Variants in LPP observed in about 807,000 individuals in gnomAD.
LPP encodes LIM domain containing preferred translocation partner in lipoma, also known as lipoma-preferred partner.
LPP carries 38 observed loss-of-function variants against 60.4 expected under a neutral mutation model. That is an observed-to-expected ratio of 0.63 (90% CI 0.49 to 0.83). The LOEUF is 0.83. LPP is among the 40% of genes least tolerant of loss of function. The pLI, the probability that LPP is intolerant of heterozygous loss-of-function variation, is 0.00. For synonymous variants in LPP, 328 were observed against 290.8 expected, an observed-to-expected ratio of 1.13 and a Z score of -1.30; for missense variants, 902 against 783.6, an observed-to-expected ratio of 1.15 and a Z score of -1.80.
chr3:188,385,759 G>C (rs139190124), intron 3 of LPP, among the ~76,000 whole-genome samples: 2 of 152,168 alleles, frequency 1.3e-5, no homozygotes, highest in Non-Finnish European at 2.9e-5. Flanking sequence ...AGCTGTTTGT[G>C]CATCTGTTGG....
At position 188,332,971 on chromosome 3, in the gene LPP, C is replaced by T. The variant is rs974889700; in HGVS notation, c.-66-8692C>T. 1.1e-4 allele frequency among the ~76,000 whole-genome samples: 13 copies of T among 122,164 alleles called. 1 individual carries two copies. The highest frequency in any genetic ancestry group is 3.8e-4 in the African/African-American group (12 of 31,482). The allele number at this position is 122,164 out of a possible 152,430, so 80.1% of individuals were successfully genotyped here. A position where few individuals can be genotyped will look rare whatever the true frequency, so the allele number is the denominator to read the frequency against. On this transcript the variant is annotated intron_variant, in intron 2 of 11. Transcript: ENST00000617246. ...TTCCTTCTTCTTTTCAATAAGGAAG[C>T]ATCAGAATCAACAGAATAACATAAA...
chr3:188,463,972 G>A (rs1448162517), intron 4 of LPP, among the ~76,000 whole-genome samples: 1 of 152,162 alleles, frequency 6.6e-6, no homozygotes, highest in Non-Finnish European at 1.5e-5. Flanking sequence ...AAATTGAAGT[G>A]TGCCCTAATC....
At chr3:188,163,815 G>T (rs547752490) in intron 1 of LPP, among the ~76,000 whole-genome samples, 2 of 151,398 alleles carry the variant, frequency 1.3e-5, no homozygotes, top group African/African-American at 4.9e-5. Flanking sequence ...GCCAGGTGTG[G>T]TAGTGGGCGC....
At chr3:188,599,751 G>GAGGGGGGTGTGT (rs1553938530) in intron 6 of LPP, among the ~76,000 whole-genome samples, 1 of 139,828 alleles carries the variant, frequency 7.2e-6, no homozygotes, top group African/African-American at 2.7e-5. Context: ...ACTCGTTAGG[G>GAGGGGGGTGTGT]GTGTGTGTGT....
At chr3:188,462,587 CAT>C (rs1491416011) in intron 4 of LPP, among the ~76,000 whole-genome samples, 8,163 of 43,200 alleles carry the variant, frequency 0.19, 918 homozygotes, top group Non-Finnish European at 0.28. Context: ...TATATATATG[CAT>C]GTGTGTGTGT....
At chr3:188,669,561 GCAAGACTCCATCT>G (rs1015091693) in intron 7 of LPP, among the ~76,000 whole-genome samples, 7 of 152,114 alleles carry the variant, frequency 4.6e-5, no homozygotes, top group Admixed American at 1.3e-4. Context: ...GGGTGACAGA[GCAAGACTCCATCT>G]CAAAAAAATA....
At chr3:188,839,577 A>C (rs890746116) in intron 9 of LPP, among the ~76,000 whole-genome samples, 1 of 152,146 alleles carries the variant, frequency 6.6e-6, no homozygotes, top group South Asian at 2.1e-4. Context: ...GAGTACAAAA[A>C]CCAGCCTCAC....
intron 6 of LPP, among the ~76,000 whole-genome samples, chr3:188,601,846 A>G (rs1373625237): frequency 6.6e-6 from 1 of 152,018 alleles, no homozygotes; most frequent in Non-Finnish European, 1.5e-5. Context: ...AGGCAGATGG[A>G]TCACTTGAGG....
chr3:188,271,293 A>G (rs1464803133), intron 2 of LPP, among the ~76,000 whole-genome samples: 2 of 152,190 alleles, frequency 1.3e-5, no homozygotes, highest in African/African-American at 4.8e-5. Flanking sequence ...AAATGTAGGT[A>G]TGTTCAACAC....
intron 2 of LPP, among the ~76,000 whole-genome samples, chr3:188,249,581 A>C (rs1401215242): frequency 6.6e-6 from 1 of 152,116 alleles, no homozygotes; most frequent in Non-Finnish European, 1.5e-5. Context: ...CTTGTGCTTA[A>C]TTTATTTTAA....
At chr3:188,395,536 T>G (rs532706192) in intron 3 of LPP, among the ~76,000 whole-genome samples, 233 of 152,296 alleles carry the variant, frequency 1.5e-3, no homozygotes, top group African/African-American at 5.3e-3. Flanking sequence ...CCAGCTGAGC[T>G]TTTTCTTAAT....
chr3:188,451,855 G>A lies in LPP; in HGVS notation c.194-32737G>A, dbSNP rs983311774. On this transcript the variant is annotated intron_variant, in intron 4 of 11. Transcript: ENST00000617246. ...GCATCCTCGAGGGATAGTGAAACCA[G>A]AGTTGTTTTGAGGACTTTTATTCAT... Among the ~76,000 whole-genome samples, 7 of 152,332 alleles carry A rather than the reference G, an allele frequency of 4.6e-5. No individual in the cohort carries two copies. The East Asian group carries it at 1.4e-3, about 29-fold the overall frequency.
chr3:188,378,754 A>T (rs1035824462), intron 3 of LPP, among the ~76,000 whole-genome samples: 51 of 152,270 alleles, frequency 3.3e-4, no homozygotes, highest in African/African-American at 1.1e-3. Context: ...CAGTGAGATG[A>T]ACCCGGTACC....
In LPP at chr3:188,189,829, G is replaced by C. The variant is rs539278549; in HGVS notation, c.-189-35576G>C. 2.3e-4 allele frequency among the ~76,000 whole-genome samples: 35 copies of C among 152,200 alleles called. 2 individuals carry two copies. The South Asian group carries it at 6.8e-3, about 30-fold the overall frequency. ...CTTAGAAAGGGTCTGTGAAAGAGGG[G>C]GGTGCTGACACTCGGAGGTGGGGAA... is the stretch of plus-strand genomic sequence containing the variant. On this transcript the variant is annotated intron_variant, in intron 1 of 11. Coordinates refer to ENST00000617246, the MANE Select transcript of LPP (RefSeq NM_001375462.1).
At chr3:188,583,617 A>G (rs1355400056) in intron 6 of LPP, among the ~76,000 whole-genome samples, 2 of 152,162 alleles carry the variant, frequency 1.3e-5, no homozygotes, top group East Asian at 1.9e-4. Flanking sequence ...TTTAAGTTCC[A>G]TGAGGACGAT....
chr3:188,440,974 C>T (rs1410615450), intron 4 of LPP, among the ~76,000 whole-genome samples: 1 of 103,468 alleles, frequency 9.7e-6, no homozygotes, highest in African/African-American at 3.4e-5. Flanking sequence ...TGTGTGTGCG[C>T]CTGTATACAT....
At chr3:188,299,553 T>G (rs1749054629) in intron 2 of LPP, among the ~76,000 whole-genome samples, 1 of 152,160 alleles carries the variant, frequency 6.6e-6, no homozygotes, top group African/African-American at 2.4e-5. Context: ...TTAGGATAAT[T>G]GGCTGTATGA....
At chr3:188,823,476 G>T (rs1398521323) in intron 9 of LPP, among the ~76,000 whole-genome samples, 1 of 152,064 alleles carries the variant, frequency 6.6e-6, no homozygotes, top group Non-Finnish European at 1.5e-5. Flanking sequence ...CACAGACTTG[G>T]GGGGAGCAGA....
chr3:188,316,675 C>T (rs1487595898), intron 2 of LPP, among the ~76,000 whole-genome samples: 2 of 152,170 alleles, frequency 1.3e-5, no homozygotes, highest in African/African-American at 2.4e-5. Context: ...CTGATGGCCA[C>T]TTTTTCTTCT....
Sources: allele counts gnomAD v4.1 joint callset (sites outside exome capture counted in the v4.1 genomes callset), GRCh38; gene constraint gnomAD v4.1.1; transcripts MANE v1.5; gene names NCBI Gene and HGNC (gene_info 2026-07-23, HGNC 2026-07-21).